RBM26: variants seen among roughly 807,000 people sequenced by gnomAD.
RBM26 encodes the protein RNA binding motif protein 26.
Under a neutral mutation model 123.6 loss-of-function variants are expected in RBM26, and 30 were observed. The ratio of observed to expected loss-of-function variants is 0.24; its 90% CI spans 0.18 to 0.33. RBM26 has a LOEUF of 0.33. RBM26 is among the 10% of genes least tolerant of loss of function. The pLI is 1.00. For missense variants in RBM26, 947 were observed against 1,203.6 expected (o/e 0.79, Z 3.15); for synonymous variants, 400 against 404.4 (o/e 0.99, Z 0.13).
At chr13:79,348,163 T>C (rs528615538) in intron 14 of RBM26, among the ~76,000 whole-genome samples, 63 of 152,144 alleles carry the variant, frequency 4.1e-4, no homozygotes, top group Non-Finnish European at 8.1e-4. Context: ...CATTTGCTAA[T>C]ATTTTCTCTA....
At chr13:79,346,416 T>C (rs1481276050) in intron 14 of RBM26, among the ~76,000 whole-genome samples, 1 of 152,192 alleles carries the variant, frequency 6.6e-6, no homozygotes, top group Non-Finnish European at 1.5e-5. Flanking sequence ...TCTCACTTTG[T>C]CACCCAGGCT....
In RBM26 at chr13:79,371,982, T is replaced by G. The variant is rs755730425; in HGVS notation, c.328-52A>C. On this transcript the variant is annotated intron_variant, in intron 3 of 21. Coordinates refer to ENST00000438737, the MANE Select transcript of RBM26 (RefSeq NM_001366735.2). ...ACAAGTTTAGTAATTATTCCACTGT[T>G]AAATAGCCTTAGATAGGGCTGGGCA... 8.0e-6 allele frequency: 10 copies of G among 1,256,778 alleles called. No individual in the cohort carries two copies. In the African/African-American group the frequency reaches 1.5e-4, roughly 19 times the overall value. The allele number at this position is 1,256,778 out of a possible 1,614,324, so 77.9% of individuals were successfully genotyped here.
At position 79,356,962 on chromosome 13, in the gene RBM26, T is replaced by C. The variant is rs774424488; in HGVS notation, c.1689+1312A>G. Among the ~76,000 whole-genome samples, 5 of 152,226 alleles carry C rather than the reference T, an allele frequency of 3.3e-5. No homozygotes were observed. The South Asian group carries it at 6.2e-4, about 19-fold the overall frequency. On this transcript the variant is annotated intron_variant, in intron 11 of 21. Coordinates refer to ENST00000438737, the MANE Select transcript of RBM26 (RefSeq NM_001366735.2). ...AGATATAGTGGTAGATCAAATGAAA[T>C]TGCCATAAAAAGACAACTCAAAGAT... is the stretch of plus-strand genomic sequence containing the variant.
At chr13:79,354,705 T>C (rs1307536400) in intron 12 of RBM26, 135 bp from the exon 13 acceptor site, 5 of 688,902 alleles carry the variant, frequency 7.3e-6, no homozygotes, top group Non-Finnish European at 1.1e-5. Context: ...CCTAACTGCC[T>C]TCTAATTTCA....
At chr13:79,370,471 T>G (rs1308544307) in intron 5 of RBM26, among the ~76,000 whole-genome samples, 1 of 152,236 alleles carries the variant, frequency 6.6e-6, no homozygotes, top group African/African-American at 2.4e-5. Context: ...TACCACAACA[T>G]GTTTATACAT....
In RBM26 at chr13:79,335,759, A is replaced by C. The variant is rs141348296; in HGVS notation, c.2734-1329T>G. ...TTAGTCTCACCAAAACATAAATCACAACAAACTCACTTTGTCTGTTTGGAT... is the reference window on the plus strand; with the variant it reads ...TTAGTCTCACCAAAACATAAATCACCACAAACTCACTTTGTCTGTTTGGAT... On this transcript the variant is annotated intron_variant, in intron 19 of 21. Transcript: ENST00000438737. 2.6e-5 allele frequency among the ~76,000 whole-genome samples: 4 copies of C among 152,278 alleles called. No homozygotes were observed. The East Asian group carries it at 7.7e-4, about 29-fold the overall frequency.
At chr13:79,385,128 T>G (rs978048700) in intron 1 of RBM26, among the ~76,000 whole-genome samples, 2 of 152,204 alleles carry the variant, frequency 1.3e-5, no homozygotes, top group Non-Finnish European at 2.9e-5. Flanking sequence ...AGGAAAAATA[T>G]CTAATTTGCA....
intron 11 of RBM26, among the ~76,000 whole-genome samples, 161 bp downstream of exon 11, chr13:79,358,113 C>A (rs973749739): frequency 6.6e-6 from 1 of 152,134 alleles, no homozygotes; most frequent in Non-Finnish European, 1.5e-5. Flanking sequence ...GAATTCCTCA[C>A]CTCAGGTGAT....
At position 79,337,278 on chromosome 13, in the gene RBM26, A is replaced by G. The variant is rs773298151; in HGVS notation, c.2557T>C (p.Ser853Pro). ...GAATGAATTCCTCTGCCCCGACCAG[A>G]TGAAAGAATCCCTCGTTTGGCAGCC... The part of the protein sequence containing the change: ...LEAAKRGILS[S>P]GRGRGIHSRG... The change falls in exon 19 of 22, where the codon TCT (serine) becomes CCT (proline). Residue 853 changes from serine (S) to proline (P), a missense_variant. Physicochemically the swap from Ser to Pro is moderately conservative, Grantham distance 74. This residue lies in a region of RBM26 where 164 missense variants were observed against 215.3 expected (regional missense o/e 0.76). Transcript: ENST00000438737. The G allele has an allele frequency of 4.5e-5, 73 of 1,614,052 alleles. No individual in the cohort carries two copies. The East Asian group carries it at 1.6e-3, about 35-fold the overall frequency.
chr13:79,371,306 T>C (rs962550040), intron 4 of RBM26, 144 bp from the exon 5 acceptor site: 40 of 666,894 alleles, frequency 6.0e-5, no homozygotes, highest in Non-Finnish European at 9.1e-5. Flanking sequence ...AGCTTAATAT[T>C]CAGTACTTTA....
chr13:79,335,363 C>G (rs1410410506), intron 19 of RBM26, among the ~76,000 whole-genome samples: 1 of 151,980 alleles, frequency 6.6e-6, no homozygotes, highest in East Asian at 1.9e-4. Flanking sequence ...CCAAATAATT[C>G]ATAATGAATT....
intron 3 of RBM26, among the ~76,000 whole-genome samples, chr13:79,372,861 A>ATG (rs1317469874): frequency 1.5e-5 from 1 of 66,510 alleles, no homozygotes; most frequent in Admixed American, 2.1e-4. Flanking sequence ...ATATAAATAT[A>ATG]AATATATTTA....
intron 1 of RBM26, among the ~76,000 whole-genome samples, chr13:79,396,873 C>T (rs768015645): frequency 2.0e-5 from 3 of 152,144 alleles, no homozygotes; most frequent in Non-Finnish European, 4.4e-5. Flanking sequence ...TCTGTATGAT[C>T]GTCTCAACAG....
At chr13:79,337,066 T>A in intron 19 of RBM26, 36 bp downstream of exon 19, 5 of 1,559,108 alleles carry the variant, frequency 3.2e-6, no homozygotes, top group Non-Finnish European at 4.4e-6. Flanking sequence ...CAATGATGAT[T>A]ATCAGCATTT....
chr13:79,338,226 G>T (rs2070787814), intron 18 of RBM26, among the ~76,000 whole-genome samples: 1 of 152,022 alleles, frequency 6.6e-6, no homozygotes, highest in Admixed American at 6.6e-5. Flanking sequence ...AACAACAAGA[G>T]CAACTAAGTT....
chr13:79,366,658 C>T lies in RBM26; in HGVS notation c.1110G>A (p.Leu370=). The part of the protein sequence containing the change: ...LRPPVPPPGP[L]PPSLPPVTGP... ...CTGTAACAGGTGGGAGACTGGGTGG[C>T]AATGGACCTGGCGGTGGTACTGGGG... Residue 370 remains leucine, a synonymous_variant, in exon 7 of 22, where the codon TTG becomes TTA. Coordinates refer to ENST00000438737, the MANE Select transcript of RBM26 (RefSeq NM_001366735.2). The T allele has an allele frequency of 6.4e-7, 1 of 1,562,918 alleles. No individual in the cohort carries two copies. Among genetic ancestry groups the T allele is most frequent in the Non-Finnish European group, 8.7e-7 (1 of 1,151,976 alleles).
chr13:79,380,120 C>G (rs1288750208), intron 1 of RBM26, among the ~76,000 whole-genome samples: 1 of 152,122 alleles, frequency 6.6e-6, no homozygotes, highest in Admixed American at 6.5e-5. Context: ...TACACATATA[C>G]TCACGTGTTC....
intron 20 of RBM26, 31 bp downstream of exon 20, chr13:79,334,313 T>A (rs761001092): frequency 2.4e-5 from 29 of 1,204,594 alleles, no homozygotes; most frequent in Non-Finnish European, 3.3e-5. Flanking sequence ...ATCATTTAAA[T>A]CTGAATTGAT....
At chr13:79,330,541 AC>A (rs1199715634) in intron 20 of RBM26, among the ~76,000 whole-genome samples, 1 of 152,186 alleles carries the variant, frequency 6.6e-6, no homozygotes, top group Non-Finnish European at 1.5e-5. Context: ...TGCAAAAACT[AC>A]AGAGAAAACT....
Sources: gnomAD v4.1 joint callset for allele counts (sites outside exome capture counted in the v4.1 genomes callset) on GRCh38, gnomAD v4.1.1 for gene constraint, gnomAD v4.1.1 regional missense constraint, MANE v1.5 for transcripts, NCBI Gene and HGNC (gene_info 2026-07-23, HGNC 2026-07-21) for gene names.